KIAA1217: variants seen among roughly 807,000 people sequenced by gnomAD.
KIAA1217 encodes the protein KIAA1217.
In KIAA1217, 88 loss-of-function variants were observed where a neutral mutation model predicts 163.9. The observed-to-expected ratio is 0.54, with a 90% CI of 0.45 to 0.64. The LOEUF (loss-of-function observed/expected upper bound fraction) is 0.64, where lower values mean the gene tolerates loss of function less well. Ranked by LOEUF, KIAA1217 falls within the 30% of genes least tolerant of loss-of-function variation. The pLI is 0.00. For missense variants in KIAA1217, 2,372 were observed against 2,475.0 expected (o/e 0.96, Z 0.88); for synonymous variants, 903 against 923.1 (o/e 0.98, Z 0.39).
In KIAA1217 at chr10:24,307,654, T is replaced by C. The variant is rs565531715; in HGVS notation, c.355-73215T>C. 2.6e-5 allele frequency among the ~76,000 whole-genome samples: 4 copies of C among 151,430 alleles called. No homozygotes were observed. In the East Asian group the frequency reaches 7.8e-4, roughly 29 times the overall value. On this transcript the variant is annotated intron_variant, in intron 2 of 20. Coordinates refer to ENST00000376454, the MANE Select transcript of KIAA1217 (RefSeq NM_019590.5). ...ATATTAGCCAGGCATAGTGGCAACA[T>C]GCCTGTAGTCCCAGCTACATGAGAG...
intron 2 of KIAA1217, among the ~76,000 whole-genome samples, chr10:24,288,125 G>A (rs984758674): frequency 5.9e-5 from 9 of 152,102 alleles, no homozygotes; most frequent in Admixed American, 5.2e-4. Context: ...CTACTCAGAA[G>A]CCTACTCCCT....
intron 2 of KIAA1217, among the ~76,000 whole-genome samples, chr10:24,050,062 T>G (rs1041319999): frequency 3.3e-5 from 5 of 152,254 alleles, no homozygotes; most frequent in African/African-American, 4.8e-5. Context: ...TGACCAGTGA[T>G]GATGAGCATT....
intron 1 of KIAA1217, among the ~76,000 whole-genome samples, chr10:24,213,549 G>A (rs2068429566): frequency 7.7e-6 from 1 of 129,372 alleles, no homozygotes; most frequent in African/African-American, 3.1e-5. Flanking sequence ...GACATTTAGA[G>A]TCTATATGAT....
At chr10:24,391,234 G>T (rs2054889540) in intron 3 of KIAA1217, among the ~76,000 whole-genome samples, 1 of 151,562 alleles carries the variant, frequency 6.6e-6, no homozygotes, top group Non-Finnish European at 1.5e-5. Context: ...CATTATTTTA[G>T]AGGGACTTTC....
At chr10:23,700,652 T>C (rs12415080) in intron 1 of KIAA1217, among the ~76,000 whole-genome samples, 2,981 of 152,330 alleles carry the variant, frequency 0.02, 70 homozygotes, top group Admixed American at 0.072. Context: ...ACACTTGCTG[T>C]CATCTAAGTA....
rs1403486003 is a variant in KIAA1217 at position 24,065,268 on chromosome 10, TTG to T, written c.-171+57897_-171+57898del. On this transcript the variant is annotated intron_variant, in intron 2 of 18. Transcript: ENST00000376462. ...AATTTTAGATCTTTCCTGCTTTCTC[TTG>T]TGGGCATTTAGTGCTATAAATTTCC... Among the ~76,000 whole-genome samples, 3 of 152,156 alleles carry T rather than the reference TTG, an allele frequency of 2.0e-5. No homozygotes were observed. In the East Asian group the frequency reaches 5.8e-4, roughly 29 times the overall value.
chr10:24,065,289 A>C (rs559768525), intron 2 of KIAA1217, among the ~76,000 whole-genome samples: 22 of 151,714 alleles, frequency 1.5e-4, no homozygotes, highest in African/African-American at 5.1e-4. Flanking sequence ...TAGTGCTATA[A>C]ATTTCCCTCT....
intron 1 of KIAA1217, among the ~76,000 whole-genome samples, chr10:23,707,140 G>A (rs571836887): frequency 3.9e-5 from 6 of 152,236 alleles, no homozygotes; most frequent in African/African-American, 1.4e-4. Flanking sequence ...AGACACAATA[G>A]AATAATTACA....
At chr10:24,315,377 C>A (rs1367269959) in intron 2 of KIAA1217, among the ~76,000 whole-genome samples, 1 of 152,158 alleles carries the variant, frequency 6.6e-6, no homozygotes, top group Non-Finnish European at 1.5e-5. Context: ...CACTTCCCTG[C>A]CTGTTTTCTG....
At chr10:24,315,698 G>T (rs75225515) in intron 2 of KIAA1217, among the ~76,000 whole-genome samples, 2,362 of 151,720 alleles carry the variant, frequency 0.016, 63 homozygotes, top group African/African-American at 0.054. Context: ...GCTGCCGCGA[G>T]CTGTGATCGT....
At chr10:24,102,254 C>G (rs542494807) in intron 2 of KIAA1217, among the ~76,000 whole-genome samples, 1 of 152,132 alleles carries the variant, frequency 6.6e-6, no homozygotes, top group South Asian at 2.1e-4. Context: ...CAGCAATAAA[C>G]AATTGAGACT....
rs146560687 is a variant in KIAA1217, at chr10:24,102,025, C to T, written c.-171+94651C>T. Among the ~76,000 whole-genome samples, 552 of 152,200 alleles carry T rather than the reference C, an allele frequency of 3.6e-3. 5 individuals carry two copies. The highest frequency in any genetic ancestry group is 0.012 in the African/African-American group (504 of 41,522). On this transcript the variant is annotated intron_variant, in intron 2 of 18. Coordinates refer to the KIAA1217 transcript ENST00000376462. The stretch of plus-strand genomic sequence containing the variant: ...CCACTAAACTGTACATTTTTAGAGG[C>T]TCAGCTTTATGGTACGTGAATTATA...
intron 2 of KIAA1217, among the ~76,000 whole-genome samples, chr10:24,053,121 C>T (rs942348750): frequency 2.0e-5 from 3 of 152,144 alleles, no homozygotes; most frequent in Non-Finnish European, 4.4e-5. Flanking sequence ...GGAGAAAATT[C>T]AGTTGAATTC....
At chr10:23,785,107 T>C (rs1221131829) in intron 1 of KIAA1217, among the ~76,000 whole-genome samples, 1 of 152,052 alleles carries the variant, frequency 6.6e-6, no homozygotes, top group East Asian at 2.0e-4. Flanking sequence ...AACTGGCTAG[T>C]GTGATGTGAA....
At chr10:23,719,935 G>A (rs954390805) in intron 1 of KIAA1217, among the ~76,000 whole-genome samples, 2 of 151,924 alleles carry the variant, frequency 1.3e-5, no homozygotes, top group Non-Finnish European at 1.5e-5. Context: ...AGGCTATATA[G>A]TGTATGATTA....
At chr10:24,158,580 C>A in intron 2 of KIAA1217, 1 of 504,642 alleles carries the variant, frequency 2.0e-6, no homozygotes, top group South Asian at 1.5e-5. Flanking sequence ...TAATGGGAAG[C>A]ACTGACAGAC....
Position 23,767,376 on chromosome 10 carries a change from C to G in KIAA1217, c.-321+72142C>G, listed in dbSNP as rs761304051. Among the ~76,000 whole-genome samples the G allele has an allele frequency of 2.6e-5, 4 of 152,084 alleles. No individual in the cohort carries two copies. In the South Asian group the frequency reaches 6.2e-4, roughly 24 times the overall value. On this transcript the variant is annotated intron_variant, in intron 1 of 18. Coordinates refer to the KIAA1217 transcript ENST00000376462. ...CTGATCTGGAGGAATGGTGCTGAGG[C>G]TCTTGGTTGCAATATTCCAGATGAG...
chr10:24,023,029 C>T (rs1847801393), intron 2 of KIAA1217, among the ~76,000 whole-genome samples: 1 of 151,510 alleles, frequency 6.6e-6, no homozygotes, highest in Admixed American at 6.6e-5. Context: ...GACCCAACTG[C>T]TATCACCATT....
chr10:24,258,374 G>A (rs1273379861), intron 2 of KIAA1217, among the ~76,000 whole-genome samples: 1 of 152,094 alleles, frequency 6.6e-6, no homozygotes, highest in African/African-American at 2.4e-5. Flanking sequence ...ATCCTCACTG[G>A]TTTTGAAAAT....
Sources: gnomAD v4.1 joint callset for allele counts (sites outside exome capture counted in the v4.1 genomes callset) on GRCh38, gnomAD v4.1.1 for gene constraint, MANE v1.5 for transcripts, NCBI Gene and HGNC (gene_info 2026-07-23, HGNC 2026-07-21) for gene names.